Variants in NRIP1 observed in about 807,000 individuals in gnomAD.
NRIP1 encodes nuclear receptor interacting protein 1.
NRIP1 carries 28 observed loss-of-function variants against 75.0 expected under a neutral mutation model. That is an observed-to-expected ratio of 0.37 (90% CI 0.28 to 0.51). The LOEUF (loss-of-function observed/expected upper bound fraction) is 0.51, where lower values mean the gene tolerates loss of function less well. Ranked by LOEUF, NRIP1 falls within the 20% of genes least tolerant of loss-of-function variation. The probability of loss-of-function intolerance (pLI) is 0.92; values close to 1 mark genes in which losing one functional copy is unlikely to be tolerated. For missense variants in NRIP1, 1,435 were observed against 1,343.7 expected (o/e 1.07, Z -1.06); for synonymous variants, 526 against 487.6 (o/e 1.08, Z -1.04).
chr21:14,984,734 T>C (rs776220764), intron 3 of NRIP1, among the ~76,000 whole-genome samples: 5 of 152,220 alleles, frequency 3.3e-5, no homozygotes, highest in African/African-American at 1.2e-4. Context: ...GCGAATTTCA[T>C]TGTTGTCTTA....
chr21:15,036,385 C>T (rs567673467), intron 2 of NRIP1, among the ~76,000 whole-genome samples: 18 of 152,252 alleles, frequency 1.2e-4, no homozygotes, highest in African/African-American at 3.4e-4. Flanking sequence ...GCTACTACTC[C>T]GTGTCACCAA....
rs948259983 is a variant in NRIP1 at position 14,966,284 on chromosome 21, A to T, written c.1909T>A (p.Cys637Ser). ...ASKLLQNLAQ[C>S]GMQSSMSVEE... is the part of the protein sequence containing the mutation. Reference sequence around the variant, plus strand: ...ACTGACATGGATGACTGCATTCCACATTGTGCTAAATTTTGTAACAGCTTA... The same window carrying T: ...ACTGACATGGATGACTGCATTCCACTTTGTGCTAAATTTTGTAACAGCTTA... The change falls in exon 4 of 4, where the codon TGT (cysteine) becomes AGT (serine). Residue 637 changes from cysteine (C) to serine (S), a missense_variant. Coordinates refer to ENST00000318948, the MANE Select transcript of NRIP1 (RefSeq NM_003489.4). The T allele has an allele frequency of 2.5e-6, 4 of 1,614,072 alleles. No individual in the cohort carries two copies. The highest frequency in any genetic ancestry group is 1.7e-5 in the Admixed American group (1 of 60,012).
chr21:15,062,766 ATAGGT>A (rs1440272487), intron 1 of NRIP1, among the ~76,000 whole-genome samples: 1 of 152,198 alleles, frequency 6.6e-6, no homozygotes, highest in Non-Finnish European at 1.5e-5. Context: ...AGGTGGTGGT[ATAGGT>A]TATTTTTTAT....
chr21:14,974,009 A>G (rs986360763), intron 3 of NRIP1, among the ~76,000 whole-genome samples: 2 of 151,790 alleles, frequency 1.3e-5, no homozygotes, highest in African/African-American at 4.8e-5. Context: ...GTTCATTTTA[A>G]CCCTCAGTAC....
intron 3 of NRIP1, among the ~76,000 whole-genome samples, chr21:14,985,982 T>C (rs1013987857): frequency 1.3e-5 from 2 of 152,212 alleles, no homozygotes; most frequent in South Asian, 2.1e-4. Context: ...AAAGTAAGCC[T>C]TTATGCAAGA....
chr21:14,962,039 AT>A lies in NRIP1; in HGVS notation c.*2676del, dbSNP rs1568930218. On this transcript the variant is annotated 3_prime_UTR_variant, in exon 4 of 4. Coordinates refer to ENST00000318948, the MANE Select transcript of NRIP1 (RefSeq NM_003489.4). ...ATTATATATATATATATATATATAT[AT>A]ATAAAATATATACTCTCACCAGTTT... 25 of 135,216 alleles carry A rather than the reference AT, an allele frequency of 1.8e-4. No homozygotes were observed. The highest frequency in any genetic ancestry group is 7.1e-4 in the African/African-American group (25 of 35,364). 8.4% of individuals were successfully genotyped at this position (135,216 alleles called of 1,614,324 possible).
At chr21:15,013,015 T>C (rs2088146545) in intron 3 of NRIP1, among the ~76,000 whole-genome samples, 1 of 152,084 alleles carries the variant, frequency 6.6e-6, no homozygotes, top group Non-Finnish European at 1.5e-5. Flanking sequence ...GAATTAGAAG[T>C]TCAGAAATGG....
rs538181708 is a variant in NRIP1 at position 14,971,013 on chromosome 21, A to G, written c.-334-2487T>C. ...TCTCTACCATTTATTTCCTATCTTC[A>G]CAGAGAAAGTAGATGACAGATATTA... On this transcript the variant is annotated intron_variant, in intron 3 of 3. Transcript: ENST00000318948. Among the ~76,000 whole-genome samples, 17 of 152,320 alleles carry G rather than the reference A, an allele frequency of 1.1e-4. No individual in the cohort carries two copies. In the South Asian group the frequency reaches 2.9e-3, roughly 26 times the overall value.
In NRIP1 at chr21:15,005,361, G is replaced by GCC. The variant is rs11434871; in HGVS notation, c.-335+8981_-335+8982dup. ...ATTTCCTACAGCAAAAATTCACAGA[G>GCC]CCCCCCAAAGAAGAAAAAGGGGGGT... On this transcript the variant is annotated intron_variant, in intron 3 of 3. Transcript: ENST00000318948. Among the ~76,000 whole-genome samples the GCC allele has an allele frequency of 1.6e-3, 245 of 151,986 alleles. 1 individual carries two copies. The highest frequency in any genetic ancestry group is 3.3e-3 in the Non-Finnish European group (222 of 67,974).
intron 1 of NRIP1, among the ~76,000 whole-genome samples, chr21:15,063,754 C>CT (rs1006975314): frequency 2.0e-5 from 3 of 152,234 alleles, no homozygotes; most frequent in Admixed American, 1.3e-4. Context: ...CTAAGAACGT[C>CT]TTTTTTCCCC....
At chr21:15,042,272 T>C (rs964185099) in intron 2 of NRIP1, among the ~76,000 whole-genome samples, 1 of 152,242 alleles carries the variant, frequency 6.6e-6, no homozygotes, top group African/African-American at 2.4e-5. Context: ...CATGTATTTA[T>C]GCATCCTTCC....
chr21:15,038,160 A>G (rs2088875643), intron 2 of NRIP1, among the ~76,000 whole-genome samples: 1 of 152,142 alleles, frequency 6.6e-6, no homozygotes, highest in Admixed American at 6.5e-5. Context: ...CACATTTATC[A>G]TCTCATATTT....
intron 3 of NRIP1, among the ~76,000 whole-genome samples, chr21:14,973,368 A>G (rs1188420064): frequency 2.0e-5 from 3 of 152,158 alleles, no homozygotes; most frequent in Non-Finnish European, 4.4e-5. Flanking sequence ...AACTAAGTAG[A>G]TTATATTACT....
At chr21:14,996,698 T>C (rs942150491) in intron 3 of NRIP1, among the ~76,000 whole-genome samples, 2 of 152,152 alleles carry the variant, frequency 1.3e-5, no homozygotes, top group Admixed American at 1.3e-4. Context: ...TTTATTCTGT[T>C]CACCATGGGC....
At chr21:15,033,661 A>C (rs929840978) in intron 2 of NRIP1, among the ~76,000 whole-genome samples, 1 of 152,224 alleles carries the variant, frequency 6.6e-6, no homozygotes, top group African/African-American at 2.4e-5. Context: ...AGACACTAGT[A>C]AATACCTGTT....
chr21:14,967,776 T>C lies in NRIP1; in HGVS notation c.417A>G (p.Ser139=), dbSNP rs777826171. The C allele has an allele frequency of 7.4e-6, 12 of 1,614,138 alleles. No homozygotes were observed. The highest frequency in any genetic ancestry group is 4.4e-5 in the South Asian group (4 of 91,086). Residue 139 remains serine, a synonymous_variant, in exon 4 of 4, where the codon TCA becomes TCG. Transcript: ENST00000318948. ...CAACAGTCTGCAGCCTAGAGCTGAA[T>C]GACTGAAGCAAAGAGGCCAGTAATG... ...DSTLLASLLQ[S]FSSRLQTVAL...
chr21:14,970,687 A>T (rs1041673988), intron 3 of NRIP1, among the ~76,000 whole-genome samples: 1 of 152,238 alleles, frequency 6.6e-6, no homozygotes, highest in Non-Finnish European at 1.5e-5. Flanking sequence ...TCTTGGGTAG[A>T]CTCAAGAAAG....
chr21:14,993,459 A>G (rs1268040064), intron 3 of NRIP1, among the ~76,000 whole-genome samples: 1 of 152,164 alleles, frequency 6.6e-6, no homozygotes, highest in Admixed American at 6.5e-5. Flanking sequence ...ATGAGCCTTA[A>G]AAACAGTAAC....
intron 3 of NRIP1, among the ~76,000 whole-genome samples, chr21:15,002,013 T>C (rs2087859501): frequency 6.6e-6 from 1 of 152,164 alleles, no homozygotes; most frequent in Admixed American, 6.5e-5. Context: ...ATGAACTCTC[T>C]TGGACTGAAG....
Sources: allele counts gnomAD v4.1 joint callset (sites outside exome capture counted in the v4.1 genomes callset), GRCh38; gene constraint gnomAD v4.1.1; transcripts MANE v1.5; gene names NCBI Gene and HGNC (gene_info 2026-07-23, HGNC 2026-07-21).